RELN: variants seen among roughly 807,000 people sequenced by gnomAD.
RELN encodes reelin.
RELN carries 108 observed loss-of-function variants against 427.6 expected under a neutral mutation model. The observed-to-expected ratio is 0.25, with a 90% CI of 0.22 to 0.30. The LOEUF is 0.30. RELN is among the 10% of genes least tolerant of loss of function. The pLI, the probability that RELN is intolerant of heterozygous loss-of-function variation, is 1.00. For missense variants in RELN, 3,715 were observed against 4,302.8 expected, an observed-to-expected ratio of 0.86 and a Z score of 3.82; for synonymous variants, 1,524 against 1,513.4, an observed-to-expected ratio of 1.01 and a Z score of -0.16.
intron 11 of RELN, among the ~76,000 whole-genome samples, chr7:103,676,905 G>A (rs1016037938): frequency 6.6e-6 from 1 of 152,092 alleles, no homozygotes; most frequent in Non-Finnish European, 1.5e-5. Context: ...GGGAGCAGGG[G>A]GGAGGGATAG....
chr7:103,977,310 CAAAAAAAAAAAAAA>C (rs201026012), intron 1 of RELN, among the ~76,000 whole-genome samples: 3 of 88,278 alleles, frequency 3.4e-5, no homozygotes, highest in African/African-American at 5.2e-5. Flanking sequence ...GACTCTGTCT[CAAAAAAAAAAAAAA>C]AAAAAAAAAA....
chr7:103,582,810 A>G lies in RELN; in HGVS notation c.4145+6786T>C, dbSNP rs144164401. On this transcript the variant is annotated intron_variant, in intron 28 of 64. Transcript: ENST00000428762. Reference sequence around the variant, plus strand: ...CTATAGATTGTTAAGCTTTTACCATAAAAGTCAGAATGAGATAGGTTATGT... The same window carrying G: ...CTATAGATTGTTAAGCTTTTACCATGAAAGTCAGAATGAGATAGGTTATGT... Among the ~76,000 whole-genome samples the G allele has an allele frequency of 6.7e-3, 1,024 of 152,338 alleles. 14 individuals are homozygous for G. Among genetic ancestry groups the G allele is most frequent in the African/African-American group, 0.024 (985 of 41,574 alleles).
chr7:103,608,794 T>C (rs962063370), intron 22 of RELN, among the ~76,000 whole-genome samples: 2 of 152,230 alleles, frequency 1.3e-5, no homozygotes, highest in Admixed American at 6.5e-5. Context: ...AAAATAATAA[T>C]GTAGCACACA....
At chr7:103,781,203 G>T (rs111403030) in intron 3 of RELN, among the ~76,000 whole-genome samples, 1 of 151,684 alleles carries the variant, frequency 6.6e-6, no homozygotes, top group Non-Finnish European at 1.5e-5. Flanking sequence ...TGAGCCATCC[G>T]CACTGCACTC....
intron 17 of RELN, among the ~76,000 whole-genome samples, chr7:103,637,602 T>C (rs187425340): frequency 1.2e-3 from 182 of 152,320 alleles, no homozygotes; most frequent in African/African-American, 4.1e-3. Context: ...TAAGAACTAC[T>C]GTAGCATGAA....
chr7:103,914,550 T>C (rs1795441277), intron 2 of RELN, among the ~76,000 whole-genome samples: 1 of 152,174 alleles, frequency 6.6e-6, no homozygotes, highest in African/African-American at 2.4e-5. Flanking sequence ...CTGGAAAAGC[T>C]AATTTTATCG....
At chr7:103,484,288 CAG>C (rs1177362464) in intron 61 of RELN, 1 of 198,632 alleles carries the variant, frequency 5.0e-6, no homozygotes, top group Non-Finnish European at 1.0e-5. Context: ...ATAATAGAAA[CAG>C]AAGCAGCCAG....
chr7:103,801,171 G>A lies in RELN; in HGVS notation c.474-24544C>T, dbSNP rs1440516711. Among the ~76,000 whole-genome samples the A allele has an allele frequency of 2.6e-5, 4 of 152,168 alleles. No homozygotes were observed. In the East Asian group the frequency reaches 7.7e-4, roughly 29 times the overall value. ...GTTCAACCATTGTGGAAGACAGTGT[G>A]ACGATTCCTCAAGGATCTAGATCTA... On this transcript the variant is annotated intron_variant, in intron 3 of 64. Transcript: ENST00000428762.
intron 11 of RELN, among the ~76,000 whole-genome samples, chr7:103,676,996 A>G (rs1418199930): frequency 6.6e-6 from 1 of 151,772 alleles, no homozygotes; most frequent in Admixed American, 6.6e-5. Flanking sequence ...TATGTAACAA[A>G]CCTGCATGTT....
At chr7:103,674,684 C>T (rs1833473754) in intron 11 of RELN, among the ~76,000 whole-genome samples, 1 of 152,116 alleles carries the variant, frequency 6.6e-6, no homozygotes, top group African/African-American at 2.4e-5. Flanking sequence ...AAAGCTTATC[C>T]ACCATGATCA....
chr7:103,610,582 T>A, intron 22 of RELN, 113 bp downstream of exon 22: 1 of 727,606 alleles, frequency 1.4e-6, no homozygotes, highest in Non-Finnish European at 2.5e-6. Flanking sequence ...ATCATGCTAT[T>A]GTGCTTAACT....
At chr7:103,633,651 G>A (rs968140524) in intron 19 of RELN, among the ~76,000 whole-genome samples, 30 of 151,996 alleles carry the variant, frequency 2.0e-4, no homozygotes, top group African/African-American at 7.0e-4. Flanking sequence ...GATTAAACGC[G>A]CCTTTGCAAT....
intron 3 of RELN, among the ~76,000 whole-genome samples, chr7:103,788,997 G>T (rs943588246): frequency 1.3e-5 from 2 of 152,046 alleles, no homozygotes; most frequent in African/African-American, 4.8e-5. Context: ...CAGATACATA[G>T]ACGAATGGAA....
chr7:103,800,849 T>C (rs1264429663), intron 3 of RELN, among the ~76,000 whole-genome samples: 1 of 152,076 alleles, frequency 6.6e-6, no homozygotes, highest in Non-Finnish European at 1.5e-5. Context: ...AGGGCTAATA[T>C]ACAGAATCTA....
intron 28 of RELN, among the ~76,000 whole-genome samples, chr7:103,586,187 T>A (rs1584319380): frequency 6.6e-6 from 1 of 151,458 alleles, no homozygotes; most frequent in Non-Finnish European, 1.5e-5. Flanking sequence ...CATGGTGAAA[T>A]CCCGTTTCTA....
At chr7:103,730,183 C>T (rs1239873678) in intron 6 of RELN, among the ~76,000 whole-genome samples, 1 of 152,104 alleles carries the variant, frequency 6.6e-6, no homozygotes, top group Non-Finnish European at 1.5e-5. Flanking sequence ...TGACTCTAAA[C>T]TAAAAGTGTC....
chr7:103,794,894 T>C (rs746241516), intron 3 of RELN, among the ~76,000 whole-genome samples: 1 of 152,148 alleles, frequency 6.6e-6, no homozygotes, highest in African/African-American at 2.4e-5. Flanking sequence ...CCCTGGTATA[T>C]AGGTTTGTAA....
chr7:103,796,968 G>T (rs1438845628), intron 3 of RELN, among the ~76,000 whole-genome samples: 1 of 151,752 alleles, frequency 6.6e-6, no homozygotes, highest in Non-Finnish European at 1.5e-5. Context: ...TACTTCTGTG[G>T]TAAGACCTGC....
chr7:103,510,090 A>G (rs569423744), intron 51 of RELN, among the ~76,000 whole-genome samples: 1 of 152,342 alleles, frequency 6.6e-6, no homozygotes, highest in South Asian at 2.1e-4. Flanking sequence ...GCAATTCCTC[A>G]AGGATCTAGA....
Sources: gnomAD v4.1 joint callset for allele counts (sites outside exome capture counted in the v4.1 genomes callset) on GRCh38, gnomAD v4.1.1 for gene constraint, MANE v1.5 for transcripts, NCBI Gene and HGNC (gene_info 2026-07-23, HGNC 2026-07-21) for gene names.